The following PALS2 variants were observed in gnomAD, a reference collection of about 807,000 sequenced individuals.
PALS2 encodes the protein protein PALS2.
Under a neutral mutation model 61.6 loss-of-function variants are expected in PALS2, and 27 were observed. That is an observed-to-expected ratio of 0.44 (90% confidence interval 0.32 to 0.60). The LOEUF is 0.60. PALS2 is among the 20% of genes least tolerant of loss of function. The pLI, the probability that PALS2 is intolerant of heterozygous loss-of-function variation, is 0.05. For missense variants in PALS2, 554 were observed against 639.4 expected (o/e 0.87, Z 1.44); for synonymous variants, 236 against 218.6 (o/e 1.08, Z -0.70).
intron 5 of PALS2, among the ~76,000 whole-genome samples, chr7:24,662,128 T>A (rs1207414125): frequency 1.3e-5 from 2 of 152,232 alleles, no homozygotes; most frequent in Non-Finnish European, 2.9e-5. Flanking sequence ...AGGATTAATA[T>A]TTAGCTTTTC....
intron 11 of PALS2, among the ~76,000 whole-genome samples, chr7:24,685,837 C>T (rs1372940116): frequency 6.6e-6 from 1 of 152,042 alleles, no homozygotes; most frequent in Non-Finnish European, 1.5e-5. Context: ...ATCCACTTCT[C>T]TCTCTACACT....
At chr7:24,575,805 A>G (rs897027098) in intron 1 of PALS2, among the ~76,000 whole-genome samples, 2 of 152,346 alleles carry the variant, frequency 1.3e-5, no homozygotes, top group African/African-American at 4.8e-5. Flanking sequence ...AAATTAAAAG[A>G]GGTAAGAGGA....
chr7:24,588,490 A>G (rs1226148782), intron 1 of PALS2, among the ~76,000 whole-genome samples: 1 of 152,196 alleles, frequency 6.6e-6, no homozygotes, highest in African/African-American at 2.4e-5. Context: ...TCTCTTTTAC[A>G]GCATTTTCAT....
At chr7:24,580,152 G>C (rs1782784366) in intron 1 of PALS2, among the ~76,000 whole-genome samples, 1 of 152,118 alleles carries the variant, frequency 6.6e-6, no homozygotes, top group Non-Finnish European at 1.5e-5. Context: ...ATACTAAGCT[G>C]ATTTACTTAA....
At chr7:24,677,695 C>T (rs1196640759) in intron 9 of PALS2, among the ~76,000 whole-genome samples, 2 of 152,118 alleles carry the variant, frequency 1.3e-5, no homozygotes, top group Non-Finnish European at 2.9e-5. Context: ...TTTTATTATA[C>T]ACACCTTTGG....
intron 9 of PALS2, among the ~76,000 whole-genome samples, chr7:24,675,513 G>A (rs1237836978): frequency 1.3e-5 from 2 of 148,694 alleles, no homozygotes; most frequent in Admixed American, 1.3e-4. Flanking sequence ...CTAGCATTAG[G>A]TATATCTCCC....
intron 1 of PALS2, among the ~76,000 whole-genome samples, chr7:24,599,220 A>G (rs1358873275): frequency 6.6e-6 from 1 of 152,180 alleles, no homozygotes; most frequent in Non-Finnish European, 1.5e-5. Flanking sequence ...AACCTGTATA[A>G]CATTTTACAC....
rs116050544 is a variant in PALS2, at chr7:24,623,103, G to C, written c.-2-563G>C. ...GATTTTTGCATTTGTATTTCTAGGA[G>C]AGATTGGTGGTAATTTTTTTGTGTG... On this transcript the variant is annotated intron_variant, in intron 1 of 11. Transcript: ENST00000222644. 3.1e-3 allele frequency among the ~76,000 whole-genome samples: 469 copies of C among 151,722 alleles called. 2 individuals carry two copies. The highest frequency in any genetic ancestry group is 0.011 in the African/African-American group (444 of 41,440).
intron 2 of PALS2, among the ~76,000 whole-genome samples, chr7:24,638,322 C>CTTTTTTT (rs749421698): frequency 0.012 from 148 of 11,916 alleles, 59 homozygotes; most frequent in Non-Finnish European, 0.014. Flanking sequence ...TCTGTATTTT[C>CTTTTTTT]TTTTTTTTTT....
chr7:24,614,013 A>G (rs561891289), intron 1 of PALS2, among the ~76,000 whole-genome samples: 1 of 152,030 alleles, frequency 6.6e-6, no homozygotes, highest in African/African-American at 2.4e-5. Flanking sequence ...TTGATTCTGT[A>G]TGATGACTAT....
chr7:24,632,249 T>C (rs1333316714), intron 2 of PALS2, among the ~76,000 whole-genome samples: 1 of 152,192 alleles, frequency 6.6e-6, no homozygotes, highest in African/African-American at 2.4e-5. Context: ...CTGTCTGAAA[T>C]TAATATAGCT....
At position 24,691,389 on chromosome 7, in the gene PALS2, A is replaced by ATGTGTGTGTGTGTGTGTG. The variant is rs143537632; in HGVS notation, c.*3792_*3793insGTGTGTGTGTGTGTGTGT. On this transcript the variant is annotated 3_prime_UTR_variant, in exon 12 of 12. Coordinates refer to ENST00000222644, the MANE Select transcript of PALS2 (RefSeq NM_001303037.2). The stretch of plus-strand genomic sequence containing the variant: ...ATGTTCGAGTTGCCATATATTATGT[A>ATGTGTGTGTGTGTGTGTG]TGTGTGTGTGTGTGTGTATATATAT... 1.4e-3 allele frequency: 120 copies of ATGTGTGTGTGTGTGTGTG among 87,666 alleles called. No individual in the cohort carries two copies. Among genetic ancestry groups the ATGTGTGTGTGTGTGTGTG allele is most frequent in the Non-Finnish European group, 1.9e-3 (90 of 46,468 alleles). The allele number at this position is 87,666 out of a possible 1,614,324, so 5.4% of individuals were successfully genotyped here.
chr7:24,606,984 T>C (rs114373108), intron 1 of PALS2, among the ~76,000 whole-genome samples: 2,457 of 152,248 alleles, frequency 0.016, 80 homozygotes, highest in African/African-American at 0.057. Context: ...GTTTTGACTA[T>C]GACCTGTCAC....
chr7:24,614,491 C>G (rs1326284141), intron 1 of PALS2, among the ~76,000 whole-genome samples: 2 of 151,762 alleles, frequency 1.3e-5, no homozygotes, highest in Non-Finnish European at 3.0e-5. Flanking sequence ...CCCTTTATTT[C>G]TTATTTGAAG....
intron 7 of PALS2, 35 bp downstream of exon 7, chr7:24,665,722 C>G: frequency 1.3e-6 from 2 of 1,554,898 alleles, no homozygotes; most frequent in Non-Finnish European, 1.8e-6. Flanking sequence ...ACAAGCAGTC[C>G]TTTGTGACCA....
chr7:24,605,582 A>T (rs2128049472), intron 1 of PALS2, among the ~76,000 whole-genome samples: 2 of 152,218 alleles, frequency 1.3e-5, no homozygotes, highest in South Asian at 4.2e-4. Context: ...AATATGTAAG[A>T]ATAGGTCTAT....
At chr7:24,595,166 C>A (rs1454287997) in intron 1 of PALS2, among the ~76,000 whole-genome samples, 1 of 151,588 alleles carries the variant, frequency 6.6e-6, no homozygotes, top group East Asian at 1.9e-4. Context: ...AGATTTAAAT[C>A]AAAAGTTCTT....
At chr7:24,597,160 G>A (rs1783554787) in intron 1 of PALS2, 1 of 152,090 alleles carries the variant, frequency 6.6e-6, no homozygotes, top group Non-Finnish European at 1.5e-5. Flanking sequence ...GGACTCCCTG[G>A]GGAAAAACGT....
intron 5 of PALS2, 61 bp downstream of exon 5, chr7:24,650,773 GAAAT>G: frequency 1.8e-6 from 2 of 1,138,852 alleles, no homozygotes; most frequent in Non-Finnish European, 2.5e-6. Flanking sequence ...CACAGTGTTG[GAAAT>G]AACTATCAGT....
Sources: allele counts gnomAD v4.1 joint callset (sites outside exome capture counted in the v4.1 genomes callset), GRCh38; gene constraint gnomAD v4.1.1; transcripts MANE v1.5; gene names NCBI Gene and HGNC (gene_info 2026-07-23, HGNC 2026-07-21).